PDS5A: variants seen among roughly 807,000 people sequenced by gnomAD.
PDS5A encodes the protein PDS5 cohesin associated factor A, also known as sister chromatid cohesion protein PDS5 homolog A.
PDS5A carries 42 observed loss-of-function variants against 167.1 expected under a neutral mutation model. The ratio of observed to expected loss-of-function variants is 0.25; its 90% confidence interval spans 0.20 to 0.33. PDS5A has a LOEUF of 0.33. PDS5A is among the 10% of genes least tolerant of loss of function. PDS5A has a pLI of 1.00. For synonymous variants in PDS5A, 553 were observed against 554.6 expected (o/e 1.00, Z 0.04); for missense variants, 1,033 against 1,605.9 (o/e 0.64, Z 6.10).
intron 16 of PDS5A, among the ~76,000 whole-genome samples, chr4:39,895,654 A>T (rs1415416009): frequency 6.6e-6 from 1 of 152,158 alleles, no homozygotes; most frequent in African/African-American, 2.4e-5. Flanking sequence ...TTCTTTCTTC[A>T]ATGATAAATT....
At chr4:39,934,130 T>C (rs139809268) in intron 2 of PDS5A, among the ~76,000 whole-genome samples, 2 of 152,350 alleles carry the variant, frequency 1.3e-5, no homozygotes, top group East Asian at 1.9e-4. Flanking sequence ...GACTTCCTAA[T>C]CACTGGATTA....
At chr4:39,898,128 T>C (rs1308471436) in intron 16 of PDS5A, 10 of 1,178,504 alleles carry the variant, frequency 8.5e-6, no homozygotes, top group Non-Finnish European at 1.0e-5. Flanking sequence ...TCAATGAATG[T>C]CTACTAAGTT....
chr4:39,929,606 CGTGTGTGTGTGTGT>C (rs58333282), intron 2 of PDS5A, among the ~76,000 whole-genome samples: 1 of 130,814 alleles, frequency 7.6e-6, no homozygotes, highest in Non-Finnish European at 1.6e-5. Flanking sequence ...CCTATTGGGG[CGTGTGTGTGTGTGT>C]GTGTGTGTGT....
intron 17 of PDS5A, among the ~76,000 whole-genome samples, chr4:39,881,176 T>G (rs899665894): frequency 6.6e-6 from 1 of 152,202 alleles, no homozygotes; most frequent in East Asian, 1.9e-4. Flanking sequence ...CATTTATTTA[T>G]GTACCATATT....
chr4:39,870,611 A>G (rs1719941347), intron 21 of PDS5A, among the ~76,000 whole-genome samples: 1 of 151,902 alleles, frequency 6.6e-6, no homozygotes, highest in Non-Finnish European at 1.5e-5. Flanking sequence ...ATAAAATAAA[A>G]TAAAATAAGA....
chr4:39,957,961 G>A (rs1302999663), intron 2 of PDS5A, among the ~76,000 whole-genome samples: 1 of 151,902 alleles, frequency 6.6e-6, no homozygotes, highest in Non-Finnish European at 1.5e-5. Context: ...TTCAAGACCA[G>A]CCTGACCAAC....
chr4:39,922,880 G>A, intron 5 of PDS5A, 132 bp from the exon 6 acceptor site: 1 of 1,118,292 alleles, frequency 8.9e-7, no homozygotes, highest in Non-Finnish European at 1.2e-6. Flanking sequence ...TTGAGGGACA[G>A]TGCCAATAAT....
At chr4:39,943,449 T>C (rs1727421879) in intron 2 of PDS5A, among the ~76,000 whole-genome samples, 1 of 151,880 alleles carries the variant, frequency 6.6e-6, no homozygotes, top group Non-Finnish European at 1.5e-5. Context: ...GCCACACATT[T>C]TACTAGCTTC....
At chr4:39,969,826 C>T (rs906146396) in intron 2 of PDS5A, among the ~76,000 whole-genome samples, 11 of 151,966 alleles carry the variant, frequency 7.2e-5, no homozygotes, top group African/African-American at 2.7e-4. Context: ...AGGCATTAAG[C>T]TTGGCACTGA....
intron 2 of PDS5A, among the ~76,000 whole-genome samples, chr4:39,929,754 AT>A (rs977057829): frequency 6.1e-5 from 9 of 147,094 alleles, no homozygotes; most frequent in African/African-American, 1.0e-4. Flanking sequence ...TATTATTATT[AT>A]TTTTTTTTGA....
chr4:39,914,510 T>G (rs925657060), intron 8 of PDS5A, among the ~76,000 whole-genome samples: 2 of 152,098 alleles, frequency 1.3e-5, no homozygotes, highest in Non-Finnish European at 2.9e-5. Context: ...AATACGACAC[T>G]ACAGAATTTC....
chr4:39,915,124 G>C (rs2109696320), intron 8 of PDS5A, among the ~76,000 whole-genome samples: 1 of 151,212 alleles, frequency 6.6e-6, no homozygotes. Flanking sequence ...CTGCAGCCTT[G>C]AACTCCTGGG....
intron 17 of PDS5A, among the ~76,000 whole-genome samples, chr4:39,889,119 A>T (rs185626363): frequency 2.0e-5 from 3 of 152,336 alleles, no homozygotes. Context: ...TTAAAGAGAT[A>T]ATCAAGGTAA....
rs1560419555 is a variant in PDS5A, at chr4:39,842,907, T to TATATATATATATATATATA, written c.3549-852_3549-851insTATATATATATATATATAT. Among the ~76,000 whole-genome samples, 223 of 28,376 alleles carry TATATATATATATATATATA rather than the reference T, an allele frequency of 7.9e-3. 7 individuals carry two copies. Among genetic ancestry groups the TATATATATATATATATATA allele is most frequent in the East Asian group, 0.025 (31 of 1,224 alleles). 18.6% of individuals were successfully genotyped at this position (28,376 alleles called of 152,430 possible). A position where few individuals can be genotyped will look rare whatever the true frequency, so the allele number is the denominator to read the frequency against. ...TTAGAACAATGTAAACTTATCCTAT[T>TATATATATATATATATATA]TTTATATATATATATATATATATAT... On this transcript the variant is annotated intron_variant, in intron 30 of 32. Coordinates refer to ENST00000303538, the MANE Select transcript of PDS5A (RefSeq NM_001100399.2).
chr4:39,922,236 T>C (rs765679294), intron 6 of PDS5A, among the ~76,000 whole-genome samples: 1 of 152,186 alleles, frequency 6.6e-6, no homozygotes, highest in Admixed American at 6.5e-5. Flanking sequence ...AAGAAAAAGG[T>C]ACGATACGGA....
chr4:39,965,081 CTT>C (rs1482321179), intron 2 of PDS5A, among the ~76,000 whole-genome samples: 1 of 152,096 alleles, frequency 6.6e-6, no homozygotes, highest in Non-Finnish European at 1.5e-5. Flanking sequence ...TAAGGCTCAT[CTT>C]TTTTCTCCCC....
intron 22 of PDS5A, chr4:39,868,733 G>A (rs545624856): frequency 1.3e-5 from 6 of 453,580 alleles, no homozygotes; most frequent in African/African-American, 4.0e-5. Context: ...GCCTCCCAAA[G>A]TGCTGGGATA....
chr4:39,940,639 G>C (rs1027845717), intron 2 of PDS5A, among the ~76,000 whole-genome samples: 9 of 152,192 alleles, frequency 5.9e-5, no homozygotes, highest in Admixed American at 5.2e-4. Flanking sequence ...GAGAGAAAGA[G>C]AGGAAGAAAC....
At chr4:39,833,753 G>A (rs1052567165) in intron 32 of PDS5A, among the ~76,000 whole-genome samples, 1 of 151,982 alleles carries the variant, frequency 6.6e-6, no homozygotes, top group East Asian at 1.9e-4. Flanking sequence ...ATCAATTTAC[G>A]GGGAAAAAAA....
Sources: gnomAD v4.1 joint callset for allele counts (sites outside exome capture counted in the v4.1 genomes callset) on GRCh38, gnomAD v4.1.1 for gene constraint, MANE v1.5 for transcripts, NCBI Gene and HGNC (gene_info 2026-07-23, HGNC 2026-07-21) for gene names.